The following RASGEF1C variants were observed in gnomAD, a reference collection of about 807,000 sequenced individuals.
The protein encoded by RASGEF1C is ras-GEF domain-containing family member 1C.
In RASGEF1C, 27 loss-of-function variants were observed where a neutral mutation model predicts 58.1. The observed-to-expected ratio is 0.46, with a 90% CI of 0.34 to 0.64. The LOEUF (loss-of-function observed/expected upper bound fraction) is 0.64, where lower values mean the gene tolerates loss of function less well. RASGEF1C is among the 30% of genes least tolerant of loss of function. The probability of loss-of-function intolerance (pLI) is 0.01; values close to 1 mark genes in which losing one functional copy is unlikely to be tolerated. For missense variants in RASGEF1C, 502 were observed against 605.1 expected, an observed-to-expected ratio of 0.83 and a Z score of 1.79; for synonymous variants, 243 against 246.3, an observed-to-expected ratio of 0.99 and a Z score of 0.13.
At chr5:180,205,997 A>G (rs935924115) in intron 1 of RASGEF1C, among the ~76,000 whole-genome samples, 1 of 152,154 alleles carries the variant, frequency 6.6e-6, no homozygotes, top group Non-Finnish European at 1.5e-5. Flanking sequence ...AGCCTTCCCA[A>G]GTGCTGGGAT....
At chr5:180,159,844 T>G (rs1766909312) in intron 1 of RASGEF1C, among the ~76,000 whole-genome samples, 1 of 152,232 alleles carries the variant, frequency 6.6e-6, no homozygotes, top group Non-Finnish European at 1.5e-5. Flanking sequence ...AGGGGCCAAG[T>G]GTTCAGCCAG....
intron 11 of RASGEF1C, among the ~76,000 whole-genome samples, chr5:180,113,107 G>A (rs1314270311): frequency 7.4e-6 from 1 of 134,996 alleles, no homozygotes; most frequent in Non-Finnish European, 1.6e-5. Flanking sequence ...GGGGATGGAC[G>A]GAGGGACCGG....
At chr5:180,118,084 T>G (rs570389698) in intron 10 of RASGEF1C, among the ~76,000 whole-genome samples, 1 of 151,980 alleles carries the variant, frequency 6.6e-6, no homozygotes, top group South Asian at 2.1e-4. Context: ...AATGTAAATG[T>G]GATCTGAGGC....
rs778818151 is a variant in RASGEF1C, at chr5:180,177,171, G to T, written c.-7+31857C>A. Among the ~76,000 whole-genome samples the T allele has an allele frequency of 3.9e-5, 6 of 152,142 alleles. No homozygotes were observed. The highest frequency in any genetic ancestry group is 8.8e-5 in the Non-Finnish European group (6 of 68,012). ...TGGATGAGGGGCAGTGGGATGGGGG[G>T]CTGGCTGGGCTACTTCCAGAAACGT... On this transcript the variant is annotated intron_variant, in intron 1 of 13. Coordinates refer to ENST00000361132, the MANE Select transcript of RASGEF1C (RefSeq NM_175062.4). This position sits in a 1 kb window ranked among gnomAD's most constrained non-coding sequence, Gnocchi z 5.0.
intron 1 of RASGEF1C, among the ~76,000 whole-genome samples, chr5:180,154,114 A>T (rs567732393): frequency 2.0e-5 from 3 of 152,196 alleles, no homozygotes; most frequent in African/African-American, 7.2e-5. Context: ...GGGCGCCCAG[A>T]AGCTCCGAGA....
intron 6 of RASGEF1C, among the ~76,000 whole-genome samples, chr5:180,124,295 A>T (rs1766221330): frequency 6.6e-6 from 1 of 152,118 alleles, no homozygotes; most frequent in Non-Finnish European, 1.5e-5. Context: ...ATTCTACAAA[A>T]TGCTCCAAGA....
rs1357895980 is a variant in RASGEF1C at position 180,151,905 on chromosome 5, G to A, written c.-6-13847C>T. On this transcript the variant is annotated intron_variant, in intron 1 of 13. Coordinates refer to ENST00000361132, the MANE Select transcript of RASGEF1C (RefSeq NM_175062.4). ...CAAACAACCCCATCAAAAAGTGGGC[G>A]AAGGATATGAACAGACACTTCTCAA... Among the ~76,000 whole-genome samples the A allele has an allele frequency of 2.6e-4, 39 of 151,852 alleles. No individual in the cohort carries two copies. In the South Asian group the frequency reaches 3.5e-3, roughly 14 times the overall value.
intron 1 of RASGEF1C, among the ~76,000 whole-genome samples, chr5:180,141,795 C>T (rs2113282903): frequency 1.3e-5 from 2 of 150,996 alleles, no homozygotes; most frequent in African/African-American, 2.4e-5. Context: ...CTGCAGTCTC[C>T]ACCTCCCAGG....
intron 1 of RASGEF1C, among the ~76,000 whole-genome samples, chr5:180,172,929 G>A (rs111571685): frequency 0.02 from 3,094 of 152,216 alleles, 96 homozygotes; most frequent in African/African-American, 0.07. Flanking sequence ...GCCCTTTCCT[G>A]CCAGTCTGCC....
rs1483779849 is a variant in RASGEF1C, at chr5:180,156,426, C to T, written c.-6-18368G>A. 6.6e-6 allele frequency among the ~76,000 whole-genome samples: 1 copy of T among 152,082 alleles called. No individual in the cohort carries two copies. The highest frequency in any genetic ancestry group is 2.4e-5 in the African/African-American group (1 of 41,412). On this transcript the variant is annotated intron_variant, in intron 1 of 13. Transcript: ENST00000361132. The surrounding 1 kb of genome is among the most constrained non-coding windows in gnomAD (Gnocchi z 4.9). ...TCAGCACAGTTGGTGCCTGGCAGGG[C>T]CGAGGTGGGAACCAAGCGCTGGACC...
intron 1 of RASGEF1C, among the ~76,000 whole-genome samples, chr5:180,192,458 T>C (rs947303575): frequency 4.6e-5 from 7 of 152,134 alleles, no homozygotes; most frequent in Admixed American, 3.9e-4. Context: ...ACACAGCCGC[T>C]TGAAAAAAGA....
chr5:180,173,650 C>A (rs970703342), intron 1 of RASGEF1C, among the ~76,000 whole-genome samples: 2 of 152,132 alleles, frequency 1.3e-5, no homozygotes, highest in Non-Finnish European at 2.9e-5. Context: ...CACGGTGGCT[C>A]CCGCCTGTAG....
intron 12 of RASGEF1C, among the ~76,000 whole-genome samples, chr5:180,107,777 T>TTTTGTA (rs1336747978): frequency 6.6e-6 from 1 of 152,056 alleles, no homozygotes; most frequent in Non-Finnish European, 1.5e-5. Flanking sequence ...GCTGGCTAAA[T>TTTTGTA]TTTGTATTTG....
chr5:180,199,626 CA>C (rs1480545951), intron 1 of RASGEF1C, among the ~76,000 whole-genome samples: 2 of 152,112 alleles, frequency 1.3e-5, no homozygotes, highest in African/African-American at 4.8e-5. Context: ...TCAGCTTATT[CA>C]AAATTCATAA....
chr5:180,176,123 AT>A (rs1164256888), intron 1 of RASGEF1C, among the ~76,000 whole-genome samples: 1 of 152,264 alleles, frequency 6.6e-6, no homozygotes, highest in Non-Finnish European at 1.5e-5. Context: ...GGACACGTGG[AT>A]GTTGGATAGG....
chr5:180,169,622 C>T (rs1393753736), intron 1 of RASGEF1C, among the ~76,000 whole-genome samples: 1 of 150,492 alleles, frequency 6.6e-6, no homozygotes, highest in Non-Finnish European at 1.5e-5. Flanking sequence ...GGGCTCCTCA[C>T]TGAGCCTCAG....
At chr5:180,205,615 A>G (rs984193214) in intron 1 of RASGEF1C, among the ~76,000 whole-genome samples, 1 of 152,176 alleles carries the variant, frequency 6.6e-6, no homozygotes, top group Non-Finnish European at 1.5e-5. Flanking sequence ...GATGGAAGGA[A>G]CTTGCCCACC....
intron 1 of RASGEF1C, among the ~76,000 whole-genome samples, chr5:180,178,111 C>T (rs1309832090): frequency 1.3e-5 from 2 of 150,832 alleles, no homozygotes; most frequent in African/African-American, 4.9e-5. Context: ...GGACTACAGG[C>T]GTGCACCACC....
At chr5:180,173,532 G>C (rs1001897552) in intron 1 of RASGEF1C, among the ~76,000 whole-genome samples, 2 of 152,224 alleles carry the variant, frequency 1.3e-5, no homozygotes, top group African/African-American at 4.8e-5. Context: ...TCAAGGTCTG[G>C]AAAATCTTAA....
Sources: gnomAD v4.1 joint callset for allele counts (sites outside exome capture counted in the v4.1 genomes callset) on GRCh38, gnomAD v4.1.1 for gene constraint, Gnocchi (gnomAD v3.1) non-coding constraint, MANE v1.5 for transcripts, NCBI Gene and HGNC (gene_info 2026-07-23, HGNC 2026-07-21) for gene names.